Variants in ANKRD62 observed in about 807,000 individuals in gnomAD.
ANKRD62 encodes the protein ankyrin repeat domain-containing protein 62.
Under a neutral mutation model 98.8 loss-of-function variants are expected in ANKRD62, and 61 were observed. The observed-to-expected ratio is 0.62, with a 90% CI of 0.50 to 0.76. The LOEUF (loss-of-function observed/expected upper bound fraction) is 0.76, where lower values mean the gene tolerates loss of function less well. Among genes scored for constraint, ANKRD62 ranks in the 30% least tolerant of loss-of-function variants. ANKRD62 has a pLI of 0.00. For synonymous variants in ANKRD62, 341 were observed against 367.9 expected, an observed-to-expected ratio of 0.93 and a Z score of 0.84; for missense variants, 933 against 1,082.9, an observed-to-expected ratio of 0.86 and a Z score of 1.94.
At chr18:12,158,575 G>T in the ANKRD62 span, among the ~76,000 whole-genome samples, 2 of 151,890 alleles carry the variant, frequency 1.3e-5, no homozygotes, top group Non-Finnish European at 2.9e-5. Flanking sequence ...GCCCTGGCTG[G>T]AGTGCAGTGG....
At chr18:12,104,543 C>T (rs1452675390) in intron 7 of ANKRD62, among the ~76,000 whole-genome samples, 1 of 151,964 alleles carries the variant, frequency 6.6e-6, no homozygotes, top group African/African-American at 2.4e-5. Context: ...GTGGATCAAA[C>T]AAGACAAATG....
chr18:12,112,979 T>A (rs1485446847), intron 8 of ANKRD62, among the ~76,000 whole-genome samples: 2 of 152,142 alleles, frequency 1.3e-5, no homozygotes, highest in African/African-American at 4.8e-5. Context: ...CACTGCAACC[T>A]CCCCATCCCG....
the ANKRD62 span, among the ~76,000 whole-genome samples, chr18:12,163,527 G>T: frequency 5.3e-5 from 8 of 152,086 alleles, no homozygotes; most frequent in African/African-American, 1.7e-4. Flanking sequence ...TTGTTCTAGC[G>T]AGAACTTCCA....
the ANKRD62 span, among the ~76,000 whole-genome samples, chr18:12,154,229 A>T: frequency 6.6e-6 from 1 of 152,362 alleles, no homozygotes. Flanking sequence ...TCCAGCATCT[A>T]TAAGGAGCTT....
chr18:12,094,010 G>A lies in ANKRD62; in HGVS notation c.-8G>A. 6.5e-7 allele frequency: 1 copy of A among 1,534,756 alleles called. No homozygotes were observed. Among genetic ancestry groups the A allele is most frequent in the Non-Finnish European group, 8.7e-7 (1 of 1,146,718 alleles). On this transcript the variant is annotated 5_prime_UTR_variant, in exon 1 of 14. Transcript: ENST00000587848. ...TCCTCAGCCTGGGAGAAGATCTCTG[G>A]CTTCAGGATGGAGGTCAGGGGGTCG...
chr18:12,131,842 T>C (rs755074337), downstream of ANKRD62, among the ~76,000 whole-genome samples: 5 of 152,196 alleles, frequency 3.3e-5, no homozygotes, highest in East Asian at 1.9e-4. Context: ...CACACTGTTA[T>C]GATTTTTGTA....
the ANKRD62 span, among the ~76,000 whole-genome samples, chr18:12,140,082 T>C: frequency 1.3e-5 from 2 of 152,234 alleles, no homozygotes; most frequent in African/African-American, 4.8e-5. Flanking sequence ...TTCTTCACGC[T>C]TCATATCATT....
the ANKRD62 span, among the ~76,000 whole-genome samples, chr18:12,150,222 C>G: frequency 6.6e-6 from 1 of 152,144 alleles, no homozygotes; most frequent in Non-Finnish European, 1.5e-5. Context: ...TGAAGACTGG[C>G]TCTCTGAAAT....
chr18:12,137,116 G>A, the ANKRD62 span, among the ~76,000 whole-genome samples: 3 of 152,162 alleles, frequency 2.0e-5, no homozygotes, highest in Non-Finnish European at 2.9e-5. Context: ...GGGCATCCCT[G>A]TCTTGTGCCA....
chr18:12,109,975 A>G (rs531046792), intron 8 of ANKRD62, among the ~76,000 whole-genome samples: 1 of 149,502 alleles, frequency 6.7e-6, no homozygotes, highest in East Asian at 1.9e-4. Context: ...AAAAAAACAG[A>G]CAGACAGGTA....
At chr18:12,168,407 C>T in the ANKRD62 span, among the ~76,000 whole-genome samples, 10 of 152,226 alleles carry the variant, frequency 6.6e-5, no homozygotes, top group South Asian at 1.7e-3. Flanking sequence ...TTCCCCATTG[C>T]TTGTTTTTGT....
chr18:12,161,550 T>C, the ANKRD62 span, among the ~76,000 whole-genome samples: 2 of 152,122 alleles, frequency 1.3e-5, no homozygotes, highest in African/African-American at 4.8e-5. Context: ...AATTATAGTC[T>C]TACAGTCCTT....
intron 10 of ANKRD62, among the ~76,000 whole-genome samples, chr18:12,116,757 T>C (rs943087701): frequency 3.9e-5 from 6 of 152,190 alleles, no homozygotes; most frequent in Non-Finnish European, 7.3e-5. Flanking sequence ...TAAAAAAATT[T>C]AGAATCACCT....
chr18:12,173,156 A>G, the ANKRD62 span, among the ~76,000 whole-genome samples: 3 of 152,196 alleles, frequency 2.0e-5, no homozygotes, highest in African/African-American at 7.2e-5. Context: ...TCAGTTGGAA[A>G]TGCAGAAATC....
At chr18:12,114,437 G>GC (rs1298969137) in intron 8 of ANKRD62, among the ~76,000 whole-genome samples, 1 of 152,110 alleles carries the variant, frequency 6.6e-6, no homozygotes, top group Non-Finnish European at 1.5e-5. Flanking sequence ...ATTGCGAAAC[G>GC]CATGTTTTGG....
chr18:12,100,066 A>C (rs939075532), intron 6 of ANKRD62, among the ~76,000 whole-genome samples: 1 of 152,148 alleles, frequency 6.6e-6, no homozygotes, highest in Non-Finnish European at 1.5e-5. Flanking sequence ...TAGTAAATAC[A>C]TATTACAGCT....
At chr18:12,096,955 C>T (rs1039954669) in intron 4 of ANKRD62, among the ~76,000 whole-genome samples, 8 of 152,042 alleles carry the variant, frequency 5.3e-5, no homozygotes, top group Admixed American at 2.6e-4. Context: ...CTTTTAATGA[C>T]TACAAGCCAT....
chr18:12,141,509 GT>G, the ANKRD62 span, among the ~76,000 whole-genome samples: 1 of 149,708 alleles, frequency 6.7e-6, no homozygotes, highest in Non-Finnish European at 1.5e-5. Flanking sequence ...TGGTGGTGGT[GT>G]TTTTTTTTCC....
chr18:12,108,990 G>A (rs985900708), intron 8 of ANKRD62, among the ~76,000 whole-genome samples: 9 of 152,250 alleles, frequency 5.9e-5, no homozygotes, highest in African/African-American at 2.2e-4. Context: ...CCTTGTGGCT[G>A]CTTTCACAGT....
Sources: gnomAD v4.1 joint callset for allele counts (sites outside exome capture counted in the v4.1 genomes callset) on GRCh38, gnomAD v4.1.1 for gene constraint, MANE v1.5 for transcripts, NCBI Gene and HGNC (gene_info 2026-07-23, HGNC 2026-07-21) for gene names.